The following MLLT10 variants were observed in gnomAD, a reference collection of about 807,000 sequenced individuals.
The protein encoded by MLLT10 is MLLT10 histone lysine methyltransferase DOT1L cofactor.
In MLLT10, 30 loss-of-function variants were observed where a neutral mutation model predicts 129.1. The ratio of observed to expected loss-of-function variants is 0.23; its 90% CI spans 0.17 to 0.32. The LOEUF (loss-of-function observed/expected upper bound fraction) is 0.32, where lower values mean the gene tolerates loss of function less well. Ranked by LOEUF, MLLT10 falls within the 10% of genes least tolerant of loss-of-function variation. The pLI, the probability that MLLT10 is intolerant of heterozygous loss-of-function variation, is 1.00. For synonymous variants in MLLT10, 490 were observed against 446.4 expected (o/e 1.10, Z -1.23); for missense variants, 1,119 against 1,268.3 (o/e 0.88, Z 1.79).
At chr10:21,557,996 C>CTGGA (rs1347105661) in intron 3 of MLLT10, among the ~76,000 whole-genome samples, 4 of 131,020 alleles carry the variant, frequency 3.1e-5, no homozygotes, top group African/African-American at 1.2e-4. Context: ...TTTGCCCAGG[C>CTGGA]TGGAGTACAG....
At chr10:21,712,735 T>C (rs373288980) in intron 13 of MLLT10, among the ~76,000 whole-genome samples, 8 of 152,302 alleles carry the variant, frequency 5.3e-5, no homozygotes, top group Admixed American at 1.3e-4. Context: ...CCTATACCCA[T>C]TGGATGCCAG....
At chr10:21,674,356 A>T (rs1442622481) in intron 11 of MLLT10, among the ~76,000 whole-genome samples, 20 of 151,828 alleles carry the variant, frequency 1.3e-4, no homozygotes, top group African/African-American at 4.8e-4. Context: ...TTTCTAAACG[A>T]CTCCTCACAC....
chr10:21,662,209 A>G (rs1346636850), intron 9 of MLLT10, among the ~76,000 whole-genome samples: 1 of 151,530 alleles, frequency 6.6e-6, no homozygotes, highest in South Asian at 2.1e-4. Flanking sequence ...TTTTGCATTT[A>G]TCTTGTTTGG....
At chr10:21,627,007 C>G (rs1227014222) in intron 8 of MLLT10, among the ~76,000 whole-genome samples, 1 of 151,984 alleles carries the variant, frequency 6.6e-6, no homozygotes, top group African/African-American at 2.4e-5. Context: ...AGACTTCGTC[C>G]TTGGGCATTG....
intron 14 of MLLT10, 107 bp downstream of exon 14, chr10:21,714,057 A>G (rs1456495979): frequency 1.4e-5 from 12 of 872,464 alleles, no homozygotes; most frequent in Middle Eastern, 2.4e-4. Context: ...ATAGGAATTT[A>G]TGAAATACCT....
At chr10:21,666,673 AT>A (rs752382876) in intron 9 of MLLT10, among the ~76,000 whole-genome samples, 4 of 139,844 alleles carry the variant, frequency 2.9e-5, no homozygotes, top group East Asian at 1.9e-4. Flanking sequence ...AAAAAAAAAA[AT>A]AAATAAAAAA....
At chr10:21,594,574 A>G (rs1416111599) in intron 4 of MLLT10, among the ~76,000 whole-genome samples, 1 of 146,824 alleles carries the variant, frequency 6.8e-6, no homozygotes, top group Admixed American at 6.8e-5. Context: ...AAAAAAAAAA[A>G]AAGGACCCTT....
rs575221600 is a variant in MLLT10, at chr10:21,660,395, C to T, written c.795+8627C>T. On this transcript the variant is annotated intron_variant, in intron 9 of 22. Transcript: ENST00000307729. ...CTTTAGGAGGCTGAGGCAGGTGGAT[C>T]ACTTGAGGTCAGGGGTTCCAGACCA... 2.0e-5 allele frequency among the ~76,000 whole-genome samples: 3 copies of T among 150,958 alleles called. No homozygotes were observed. The East Asian group carries it at 6.0e-4, about 30-fold the overall frequency.
At chr10:21,722,699 G>A (rs1330751234) in intron 14 of MLLT10, among the ~76,000 whole-genome samples, 1 of 152,038 alleles carries the variant, frequency 6.6e-6, no homozygotes, top group Non-Finnish European at 1.5e-5. Context: ...ATAAGCTGTG[G>A]GATCTTTCCA....
At chr10:21,702,503 A>G (rs2055027822) in intron 13 of MLLT10, among the ~76,000 whole-genome samples, 1 of 152,196 alleles carries the variant, frequency 6.6e-6, no homozygotes, top group East Asian at 1.9e-4. Flanking sequence ...CCAGTGATCT[A>G]TCTAATGTTG....
chr10:21,552,205 C>T (rs1447779887), intron 3 of MLLT10, among the ~76,000 whole-genome samples: 6 of 151,948 alleles, frequency 3.9e-5, no homozygotes, highest in East Asian at 1.9e-4. Flanking sequence ...GGACTACAGG[C>T]GTGAGCTACC....
chr10:21,638,569 C>T (rs898977824), intron 8 of MLLT10, among the ~76,000 whole-genome samples: 7 of 152,134 alleles, frequency 4.6e-5, no homozygotes, highest in African/African-American at 1.4e-4. Flanking sequence ...TGGCTGAGCA[C>T]GGTGGCTTAT....
chr10:21,560,982 A>G (rs1452017561), intron 3 of MLLT10, among the ~76,000 whole-genome samples: 3 of 152,166 alleles, frequency 2.0e-5, no homozygotes, highest in Non-Finnish European at 2.9e-5. Flanking sequence ...CCCAGTATCT[A>G]ATTTTAGATT....
chr10:21,618,139 T>A (rs1202416484), intron 8 of MLLT10, among the ~76,000 whole-genome samples: 1 of 152,242 alleles, frequency 6.6e-6, no homozygotes. Context: ...TTCTGCAGAC[T>A]GTATTTAAAA....
Position 21,673,775 on chromosome 10 carries a change from C to T in MLLT10, c.1477C>T (p.Leu493Phe), listed in dbSNP as rs1214820755. The change falls in exon 11 of 23, where the codon CTC becomes TTC. Residue 493 changes from leucine to phenylalanine, a missense_variant. Physicochemically the swap from Leu to Phe is conservative, Grantham distance 22. This residue lies in a region of MLLT10 where 1,004 missense variants were observed against 1,008.7 expected (regional missense o/e 1.00). Coordinates refer to ENST00000307729, the MANE Select transcript of MLLT10 (RefSeq NM_001195626.3). ...GNKNQENVSH[L>F]SVSSASPTSS... is the part of the protein sequence containing the mutation. ...CAAAAATCAAGAGAATGTTTCTCAT[C>T]TCTCAGTTTCTTCTGCTTCACCAAC... 6.2e-7 allele frequency: 1 copy of T among 1,614,042 alleles called. No homozygotes were observed. Among genetic ancestry groups the T allele is most frequent in the Non-Finnish European group, 8.5e-7 (1 of 1,180,046 alleles).
chr10:21,719,432 A>G (rs985152837), intron 14 of MLLT10, among the ~76,000 whole-genome samples: 10 of 152,218 alleles, frequency 6.6e-5, no homozygotes, highest in African/African-American at 2.2e-4. Context: ...TCACAGTCAC[A>G]TATCTGTAAG....
intron 13 of MLLT10, among the ~76,000 whole-genome samples, chr10:21,689,565 G>GTATATATATATATA (rs71393919): frequency 2.6e-5 from 3 of 113,456 alleles, no homozygotes; most frequent in East Asian, 2.7e-4. Context: ...ATATATATAT[G>GTATATATATATATA]TATATATATA....
intron 13 of MLLT10, among the ~76,000 whole-genome samples, chr10:21,710,322 G>T (rs1187938426): frequency 6.6e-6 from 1 of 152,192 alleles, no homozygotes; most frequent in Non-Finnish European, 1.5e-5. Context: ...GGATGATGGA[G>T]ATGCTGATGG....
chr10:21,720,442 A>T (rs1452937819), intron 14 of MLLT10, among the ~76,000 whole-genome samples: 2 of 152,224 alleles, frequency 1.3e-5, no homozygotes, highest in African/African-American at 2.4e-5. Context: ...AGTAAATATA[A>T]AGTTTGAATT....
Sources: allele counts gnomAD v4.1 joint callset (sites outside exome capture counted in the v4.1 genomes callset), GRCh38; gene constraint gnomAD v4.1.1; regional missense constraint gnomAD v4.1.1; transcripts MANE v1.5; gene names NCBI Gene and HGNC (gene_info 2026-07-23, HGNC 2026-07-21).